The following BICRAL variants were observed in gnomAD, a reference collection of about 807,000 sequenced individuals.
The protein encoded by BICRAL is BICRA like chromatin remodeling complex associated protein, also known as BRD4-interacting chromatin-remodeling complex-associated protein-like.
In BICRAL, 8 loss-of-function variants were observed where a neutral mutation model predicts 91.8. That is an observed-to-expected ratio of 0.09 (90% confidence interval 0.05 to 0.16). The LOEUF is 0.16. BICRAL is among the 10% of genes least tolerant of loss of function. BICRAL has a pLI of 1.00. For synonymous variants in BICRAL, 445 were observed against 491.1 expected (o/e 0.91, Z 1.24); for missense variants, 1,038 against 1,310.9 (o/e 0.79, Z 3.21).
intron 1 of BICRAL, among the ~76,000 whole-genome samples, chr6:42,759,346 T>C (rs1421622461): frequency 2.0e-5 from 3 of 152,214 alleles, no homozygotes; most frequent in African/African-American, 7.2e-5. Context: ...TTTCCCCCTT[T>C]AACAAAGGAT....
intron 1 of BICRAL, among the ~76,000 whole-genome samples, chr6:42,784,539 G>C (rs1420182547): frequency 6.6e-6 from 1 of 152,212 alleles, no homozygotes; most frequent in East Asian, 1.9e-4. Context: ...GCCAGGAACT[G>C]TGCCTGATGC....
chr6:42,792,567 T>C (rs2113880991), intron 1 of BICRAL, among the ~76,000 whole-genome samples: 1 of 152,106 alleles, frequency 6.6e-6, no homozygotes, highest in African/African-American at 2.4e-5. Flanking sequence ...GCCACTCCGC[T>C]TGGCCTAGAT....
intron 3 of BICRAL, 73 bp downstream of exon 3, chr6:42,822,136 C>T: frequency 1.2e-6 from 1 of 805,152 alleles, no homozygotes; most frequent in Non-Finnish European, 2.1e-6. Flanking sequence ...AACCTAATAG[C>T]ATATAACACC....
intron 6 of BICRAL, among the ~76,000 whole-genome samples, chr6:42,835,039 T>C (rs1287108652): frequency 1.3e-5 from 2 of 152,196 alleles, no homozygotes; most frequent in African/African-American, 2.4e-5. Flanking sequence ...TATTGATAGT[T>C]CCAATTCTAA....
intron 12 of BICRAL, among the ~76,000 whole-genome samples, chr6:42,863,437 C>T (rs1197700197): frequency 6.6e-6 from 1 of 152,186 alleles, no homozygotes; most frequent in East Asian, 1.9e-4. Flanking sequence ...ACCCATTGTC[C>T]TTCCATATCA....
chr6:42,816,451 G>A (rs937858586), intron 2 of BICRAL, among the ~76,000 whole-genome samples: 2 of 152,026 alleles, frequency 1.3e-5, no homozygotes, highest in Non-Finnish European at 2.9e-5. Context: ...TTTTGAGATA[G>A]GGTTTGGTAC....
At chr6:42,757,695 C>T (rs1227910613) in intron 1 of BICRAL, among the ~76,000 whole-genome samples, 1 of 152,192 alleles carries the variant, frequency 6.6e-6, no homozygotes, top group Non-Finnish European at 1.5e-5. Context: ...CCTGTTAACT[C>T]TTATGTGGCA....
chr6:42,801,794 A>G (rs1221363550), intron 1 of BICRAL, among the ~76,000 whole-genome samples: 1 of 152,024 alleles, frequency 6.6e-6, no homozygotes, highest in African/African-American at 2.4e-5. Context: ...AGGCAGGAGA[A>G]TCTGCTTGAA....
intron 6 of BICRAL, among the ~76,000 whole-genome samples, chr6:42,840,694 G>C (rs1312076530): frequency 2.0e-5 from 3 of 152,004 alleles, no homozygotes; most frequent in Non-Finnish European, 4.4e-5. Flanking sequence ...CTGCCACCAT[G>C]CCTGGCTAAG....
At chr6:42,750,416 G>A (rs73428411) in intron 1 of BICRAL, among the ~76,000 whole-genome samples, 4,619 of 150,480 alleles carry the variant, frequency 0.031, 72 homozygotes, top group South Asian at 0.054. Context: ...TGCCCACCTC[G>A]GCCCCTGGAA....
rs201902783 is a variant in BICRAL at position 42,817,199 on chromosome 6, CCA to C, written c.-5-4810_-5-4809del. On this transcript the variant is annotated intron_variant, in intron 2 of 12. Transcript: ENST00000314073. The stretch of plus-strand genomic sequence containing the variant: ...ATATATGTGTGTGTGTGTATTTCCC[CCA>C]CACACACATTTGGGAACATAATGTA... Among the ~76,000 whole-genome samples, 1,059 of 150,766 alleles carry C rather than the reference CCA, an allele frequency of 7.0e-3. 5 individuals are homozygous for C. Among genetic ancestry groups the C allele is most frequent in the African/African-American group, 0.023 (937 of 40,962 alleles).
chr6:42,760,436 T>A (rs1275711265), intron 1 of BICRAL, among the ~76,000 whole-genome samples: 1 of 151,716 alleles, frequency 6.6e-6, no homozygotes, highest in East Asian at 1.9e-4. Flanking sequence ...GGGCAAGGGA[T>A]ATTTGCTTAG....
chr6:42,856,029 TA>T (rs1380541675), intron 9 of BICRAL, 112 bp downstream of exon 9: 8 of 900,294 alleles, frequency 8.9e-6, no homozygotes, highest in African/African-American at 1.7e-5. Flanking sequence ...TTAGCCTTTT[TA>T]AAAATGTACT....
intron 1 of BICRAL, among the ~76,000 whole-genome samples, chr6:42,788,940 A>G (rs1350757615): frequency 6.6e-6 from 1 of 152,036 alleles, no homozygotes; most frequent in East Asian, 1.9e-4. Context: ...GGCAGCGAAG[A>G]GCAGGCAGGT....
rs867042538 is a variant in BICRAL, at chr6:42,829,042, A to T, written c.709A>T (p.Ile237Leu). The T allele has an allele frequency of 3.1e-6, 5 of 1,614,006 alleles. No individual in the cohort carries two copies. The highest frequency in any genetic ancestry group is 1.6e-4 in the Middle Eastern group (1 of 6,084). Reference protein sequence around the residue: ...TINNLDGSQIILKGSGQQAPS... With the variant: ...TINNLDGSQILLKGSGQQAPS... ...TAATAACCTAGATGGATCTCAAATC[A>T]TATTAAAGGGCAGCGGGCAGCAAGC... Residue 237 changes from isoleucine to leucine, a missense_variant, in exon 6 of 13, where the codon ATA becomes TTA. This residue lies in a region of BICRAL where 532 missense variants were observed against 724.9 expected (regional missense o/e 0.73). Coordinates refer to ENST00000314073, the MANE Select transcript of BICRAL (RefSeq NM_001393499.1).
chr6:42,765,268 C>T (rs1417430109), intron 1 of BICRAL, among the ~76,000 whole-genome samples: 2 of 152,110 alleles, frequency 1.3e-5, no homozygotes, highest in South Asian at 2.1e-4. Flanking sequence ...ATTTGGAGGA[C>T]GGAATAATGG....
intron 1 of BICRAL, among the ~76,000 whole-genome samples, chr6:42,792,434 AT>A (rs534995773): frequency 2.1e-3 from 304 of 143,904 alleles, no homozygotes; most frequent in Middle Eastern, 3.5e-3. Context: ...TGCCCAGCTA[AT>A]TTTTTTTTTT....
intron 6 of BICRAL, among the ~76,000 whole-genome samples, chr6:42,836,174 G>A (rs533245776): frequency 6.6e-6 from 1 of 152,072 alleles, no homozygotes; most frequent in South Asian, 2.1e-4. Context: ...TAGAACTTGA[G>A]GATCATTTTA....
intron 1 of BICRAL, among the ~76,000 whole-genome samples, chr6:42,748,443 G>A (rs1762326020): frequency 6.6e-6 from 1 of 152,170 alleles, no homozygotes; most frequent in Non-Finnish European, 1.5e-5. Context: ...TGTTGTAAGT[G>A]TTGGCTGTAT....
Sources: gnomAD v4.1 joint callset for allele counts (sites outside exome capture counted in the v4.1 genomes callset) on GRCh38, gnomAD v4.1.1 for gene constraint, gnomAD v4.1.1 regional missense constraint, MANE v1.5 for transcripts, NCBI Gene and HGNC (gene_info 2026-07-23, HGNC 2026-07-21) for gene names.